The following ABCG2 variants were observed in gnomAD, a reference collection of about 807,000 sequenced individuals.
ABCG2 encodes ATP binding cassette subfamily G member 2 (JR blood group), also known as broad substrate specificity ATP-binding cassette transporter ABCG2.
ABCG2 carries 80 observed loss-of-function variants against 73.5 expected under a neutral mutation model. That is an observed-to-expected ratio of 1.09 (90% CI 0.91 to 1.31). The LOEUF (loss-of-function observed/expected upper bound fraction) is 1.31. Ranked by LOEUF, ABCG2 falls within the 50% of genes most tolerant of loss-of-function variation. The pLI is 0.00. For synonymous variants in ABCG2, 269 were observed against 282.4 expected, an observed-to-expected ratio of 0.95 and a Z score of 0.48; for missense variants, 796 against 786.2, an observed-to-expected ratio of 1.01 and a Z score of -0.15.
chr4:88,125,638 T>TAAAAAAAA (rs1724358026), intron 5 of ABCG2, among the ~76,000 whole-genome samples: 1 of 102,862 alleles, frequency 9.7e-6, no homozygotes, highest in Non-Finnish European at 2.1e-5. Flanking sequence ...AAAAAAAAAC[T>TAAAAAAAA]GTAGAACTAC....
intron 2 of ABCG2, among the ~76,000 whole-genome samples, chr4:88,133,646 A>G (rs924721480): frequency 6.6e-6 from 1 of 152,226 alleles, no homozygotes; most frequent in African/African-American, 2.4e-5. Flanking sequence ...AGAAGACAGC[A>G]AATAGTTTGA....
At chr4:88,168,089 T>C in intron 1 of ABCG2, among the ~76,000 whole-genome samples, 1 of 96,666 alleles carries the variant, frequency 1.0e-5, no homozygotes, top group South Asian at 3.7e-4. Context: ...CAGGGGATTG[T>C]GGGGGTAGTA....
At chr4:88,105,956 G>A (rs769795124) in intron 10 of ABCG2, among the ~76,000 whole-genome samples, 1 of 152,138 alleles carries the variant, frequency 6.6e-6, no homozygotes, top group Non-Finnish European at 1.5e-5. Context: ...AAAAGTGTTG[G>A]TAAGGATATG....
chr4:88,170,043 G>A (rs542043835), intron 1 of ABCG2, among the ~76,000 whole-genome samples: 222 of 151,594 alleles, frequency 1.5e-3, no homozygotes, highest in African/African-American at 3.7e-3. Context: ...CCCGGGAGGC[G>A]GAGGTTGCGG....
intron 6 of ABCG2, among the ~76,000 whole-genome samples, chr4:88,120,281 A>G (rs1723878395): frequency 6.6e-6 from 1 of 152,170 alleles, no homozygotes; most frequent in African/African-American, 2.4e-5. Flanking sequence ...CAGATGGGAA[A>G]TGTTGGGTGG....
At chr4:88,100,279 C>T (rs918966585) in intron 11 of ABCG2, among the ~76,000 whole-genome samples, 5 of 151,852 alleles carry the variant, frequency 3.3e-5, no homozygotes, top group African/African-American at 9.7e-5. Flanking sequence ...GGGGGTGGAT[C>T]ACCTGAGGTC....
intron 1 of ABCG2, among the ~76,000 whole-genome samples, chr4:88,149,057 A>C (rs1726258627): frequency 6.6e-6 from 1 of 152,164 alleles, no homozygotes; most frequent in African/African-American, 2.4e-5. Flanking sequence ...AAAAAATAAA[A>C]TTGAAAAATT....
At chr4:88,117,314 T>C (rs1485770900) in intron 7 of ABCG2, among the ~76,000 whole-genome samples, 4 of 145,848 alleles carry the variant, frequency 2.7e-5, no homozygotes, top group African/African-American at 1.0e-4. Context: ...AGTGAGATCC[T>C]ATCTCAAAAG....
chr4:88,113,171 G>T (rs1429910318), intron 9 of ABCG2, 132 bp downstream of exon 9: 2 of 1,241,524 alleles, frequency 1.6e-6, no homozygotes, highest in East Asian at 2.3e-5. Flanking sequence ...CTGCTGACTG[G>T]TTCTATATCC....
chr4:88,202,660 GT>G (rs1729231450), intron 1 of ABCG2, among the ~76,000 whole-genome samples: 1 of 151,562 alleles, frequency 6.6e-6, no homozygotes, highest in Admixed American at 6.6e-5. Flanking sequence ...GCTCCACCCC[GT>G]TCTCCCAGTG....
intron 1 of ABCG2, among the ~76,000 whole-genome samples, chr4:88,174,261 G>A (rs754872275): frequency 1.3e-5 from 2 of 151,640 alleles, no homozygotes; most frequent in African/African-American, 2.4e-5. Context: ...CTATCAACCT[G>A]TCATCTAGGT....
intron 1 of ABCG2, among the ~76,000 whole-genome samples, chr4:88,186,800 T>G (rs918902148): frequency 1.3e-5 from 2 of 149,004 alleles, no homozygotes; most frequent in African/African-American, 4.9e-5. Flanking sequence ...GCGCCTGTAG[T>G]CCCAGCTACT....
intron 1 of ABCG2, among the ~76,000 whole-genome samples, chr4:88,151,253 A>C (rs1395316554): frequency 6.6e-6 from 1 of 152,154 alleles, no homozygotes. Context: ...TCATTAGAAC[A>C]TTTTGGGATC....
chr4:88,209,020 G>A (rs1017521718), intron 1 of ABCG2, among the ~76,000 whole-genome samples: 1 of 144,894 alleles, frequency 6.9e-6, no homozygotes, highest in Non-Finnish European at 1.5e-5. Context: ...AAACAAAACA[G>A]TTCATACCTT....
At chr4:88,111,849 G>A (rs1472757677) in intron 9 of ABCG2, among the ~76,000 whole-genome samples, 1 of 152,114 alleles carries the variant, frequency 6.6e-6, no homozygotes, top group East Asian at 1.9e-4. Context: ...CCAGCACTTT[G>A]GGAGGCCAAG....
chr4:88,182,581 A>G (rs1289198567), intron 1 of ABCG2, among the ~76,000 whole-genome samples: 1 of 152,212 alleles, frequency 6.6e-6, no homozygotes, highest in African/African-American at 2.4e-5. Flanking sequence ...ATAAAACTAG[A>G]AATCAACAAC....
chr4:88,110,434 T>G (rs11939579), intron 9 of ABCG2, among the ~76,000 whole-genome samples: 11,990 of 151,912 alleles, frequency 0.079, 872 homozygotes, highest in East Asian at 0.31. Context: ...TCCCAGCTAC[T>G]CGGGAGGCTG....
chr4:88,169,046 C>CT (rs55711211), intron 1 of ABCG2, among the ~76,000 whole-genome samples: 52,571 of 138,722 alleles, frequency 0.38, 10,623 homozygotes, highest in East Asian at 0.6. Flanking sequence ...AAGTAGTTAT[C>CT]TTTTTTTTTT....
intron 1 of ABCG2, among the ~76,000 whole-genome samples, chr4:88,172,581 G>GGAA (rs112755274): frequency 1.4e-5 from 2 of 142,378 alleles, no homozygotes; most frequent in African/African-American, 5.2e-5. Context: ...CTGTCTCAGG[G>GGAA]AAAAAAAAAA....
Sources: gnomAD v4.1 joint callset for allele counts (sites outside exome capture counted in the v4.1 genomes callset) on GRCh38, gnomAD v4.1.1 for gene constraint, MANE v1.5 for transcripts, NCBI Gene and HGNC (gene_info 2026-07-23, HGNC 2026-07-21) for gene names.